Variants in CPXM2 observed in about 807,000 individuals in gnomAD.
The protein encoded by CPXM2 is carboxypeptidase X, M14 family member 2, also known as inactive carboxypeptidase-like protein X2.
Under a neutral mutation model 86.1 loss-of-function variants are expected in CPXM2, and 66 were observed. The observed-to-expected ratio is 0.77, with a 90% CI of 0.63 to 0.94. CPXM2 has a LOEUF of 0.94. Among genes scored for constraint, CPXM2 ranks in the 40% least tolerant of loss-of-function variants. CPXM2 has a pLI of 0.00. For missense variants in CPXM2, 948 were observed against 1,026.3 expected, an observed-to-expected ratio of 0.92 and a Z score of 1.04; for synonymous variants, 388 against 400.2, an observed-to-expected ratio of 0.97 and a Z score of 0.36.
intron 7 of CPXM2, among the ~76,000 whole-genome samples, chr10:123,776,341 T>G (rs17616549): frequency 0.061 from 9,254 of 152,284 alleles, 297 homozygotes; most frequent in Middle Eastern, 0.071. Flanking sequence ...AGACTCTGTT[T>G]TCCCAACTCT....
intron 3 of CPXM2, among the ~76,000 whole-genome samples, chr10:123,847,859 T>A (rs1455555548): frequency 6.6e-6 from 1 of 152,190 alleles, no homozygotes; most frequent in South Asian, 2.1e-4. Flanking sequence ...AATATCAAAA[T>A]CATTCTGCGG....
intron 6 of CPXM2, among the ~76,000 whole-genome samples, chr10:123,788,706 G>A (rs1847129704): frequency 1.3e-5 from 2 of 152,184 alleles, no homozygotes; most frequent in Non-Finnish European, 2.9e-5. Flanking sequence ...TGCATGCGGT[G>A]AGAGCAGGGA....
intron 4 of CPXM2, among the ~76,000 whole-genome samples, chr10:123,804,385 G>C (rs1400156533): frequency 6.6e-6 from 1 of 152,046 alleles, no homozygotes; most frequent in Non-Finnish European, 1.5e-5. Flanking sequence ...TATAAACATG[G>C]TATATGATCC....
At chr10:123,897,948 C>T (rs1332936082) in intron 2 of CPXM2, among the ~76,000 whole-genome samples, 1 of 152,210 alleles carries the variant, frequency 6.6e-6, no homozygotes, top group Non-Finnish European at 1.5e-5. Flanking sequence ...GTACGGGGCT[C>T]TCTGAAACAG....
intron 3 of CPXM2, among the ~76,000 whole-genome samples, chr10:123,850,192 TG>T (rs1848572710): frequency 1.3e-5 from 2 of 152,346 alleles, no homozygotes; most frequent in Non-Finnish European, 1.5e-5. Context: ...TATTTCCATT[TG>T]GGGGTTATAA....
intron 2 of CPXM2, among the ~76,000 whole-genome samples, chr10:123,935,734 CA>C (rs1945709824): frequency 6.6e-6 from 1 of 152,150 alleles, no homozygotes; most frequent in Non-Finnish European, 1.5e-5. Flanking sequence ...GCCAGAAATA[CA>C]AGCATCATCA....
intron 2 of CPXM2, among the ~76,000 whole-genome samples, chr10:123,874,819 C>A (rs1481671395): frequency 6.6e-6 from 1 of 152,192 alleles, no homozygotes; most frequent in East Asian, 1.9e-4. Flanking sequence ...GTAAGTGGAC[C>A]AGCATGTACT....
chr10:123,808,369 A>G (rs570675587), intron 4 of CPXM2, among the ~76,000 whole-genome samples: 21 of 151,176 alleles, frequency 1.4e-4, no homozygotes, highest in African/African-American at 4.9e-4. Flanking sequence ...AAACAACAAC[A>G]ACAACAACAA....
At chr10:123,747,731 T>G (rs1230777313) in intron 13 of CPXM2, among the ~76,000 whole-genome samples, 2 of 151,920 alleles carry the variant, frequency 1.3e-5, no homozygotes, top group Non-Finnish European at 2.9e-5. Context: ...TAGATCCCTG[T>G]GGTGGGCACG....
intron 10 of CPXM2, among the ~76,000 whole-genome samples, chr10:123,766,707 T>C (rs891897003): frequency 6.6e-6 from 1 of 152,160 alleles, no homozygotes; most frequent in African/African-American, 2.4e-5. Flanking sequence ...GTAACAAACA[T>C]GTGCAATTCA....
At chr10:123,874,091 G>A (rs1944939287) in intron 2 of CPXM2, among the ~76,000 whole-genome samples, 1 of 151,912 alleles carries the variant, frequency 6.6e-6, no homozygotes, top group Non-Finnish European at 1.5e-5. Flanking sequence ...TCAAACTCCT[G>A]AGCTCAGGTG....
intron 2 of CPXM2, among the ~76,000 whole-genome samples, chr10:123,935,989 C>CCACCATCACCAGCATCCTTACCATCAT (rs1945714603): frequency 2.7e-4 from 1 of 3,662 alleles, no homozygotes; most frequent in East Asian, 0.12. Context: ...ATCACTACCA[C>CCACCATCACCAGCATCCTTACCATCAT]CACCATCACC....
rs546408715 is a variant in CPXM2 at position 123,865,275 on chromosome 10, C to T, written c.404-2552G>A. ...TTAATTTTGGTTTGGAAGCCTTCTC[C>T]ATTGCCCGTGCCACTTACAAAGAAG... is the stretch of plus-strand genomic sequence containing the variant. On this transcript the variant is annotated intron_variant, in intron 2 of 13. Coordinates refer to ENST00000241305, the MANE Select transcript of CPXM2 (RefSeq NM_198148.3). This position sits in a 1 kb window ranked among gnomAD's most constrained non-coding sequence, Gnocchi z 4.7. Among the ~76,000 whole-genome samples the T allele has an allele frequency of 6.6e-6, 1 of 152,322 alleles. No individual in the cohort carries two copies. Among genetic ancestry groups the T allele is most frequent in the East Asian group, 1.9e-4 (1 of 5,188 alleles).
intron 4 of CPXM2, among the ~76,000 whole-genome samples, chr10:123,815,460 T>A (rs1847794482): frequency 6.6e-6 from 1 of 152,322 alleles, no homozygotes; most frequent in South Asian, 2.1e-4. Context: ...TGGGACGTTT[T>A]GGAGGACCCT....
intron 2 of CPXM2, among the ~76,000 whole-genome samples, chr10:123,873,852 ATTTC>A (rs1267856913): frequency 2.3e-5 from 3 of 129,554 alleles, no homozygotes; most frequent in African/African-American, 9.0e-5. Flanking sequence ...TATTTCTCAC[ATTTC>A]TTTTTTTTTT....
intron 3 of CPXM2, among the ~76,000 whole-genome samples, chr10:123,853,868 G>C (rs1000500536): frequency 6.6e-6 from 1 of 152,128 alleles, no homozygotes; most frequent in Non-Finnish European, 1.5e-5. Context: ...TCGTGCCACT[G>C]CACTCCAGCC....
chr10:123,856,850 C>G (rs1254642988), intron 3 of CPXM2, among the ~76,000 whole-genome samples: 1 of 152,172 alleles, frequency 6.6e-6, no homozygotes, highest in African/African-American at 2.4e-5. Flanking sequence ...CCTCGGCCTC[C>G]CAAAGTGCTG....
At chr10:123,825,447 T>TCTC (rs1274303475) in intron 4 of CPXM2, among the ~76,000 whole-genome samples, 1 of 152,222 alleles carries the variant, frequency 6.6e-6, no homozygotes, top group Non-Finnish European at 1.5e-5. Context: ...TCTTCTTCTC[T>TCTC]CTCCTCACTT....
At chr10:123,779,408 A>T (rs919702605) in intron 7 of CPXM2, among the ~76,000 whole-genome samples, 1 of 152,172 alleles carries the variant, frequency 6.6e-6, no homozygotes, top group Non-Finnish European at 1.5e-5. Context: ...TCTATAATTA[A>T]ATCTGGGGAA....
Sources: allele counts gnomAD v4.1 joint callset (sites outside exome capture counted in the v4.1 genomes callset), GRCh38; gene constraint gnomAD v4.1.1; non-coding constraint Gnocchi (gnomAD v3.1); transcripts MANE v1.5; gene names NCBI Gene and HGNC (gene_info 2026-07-23, HGNC 2026-07-21).